The following ABHD17B variants were observed in gnomAD, a reference collection of about 807,000 sequenced individuals.
ABHD17B encodes abhydrolase domain containing 17B, depalmitoylase.
ABHD17B carries 9 observed loss-of-function variants against 26.2 expected under a neutral mutation model. The observed-to-expected ratio is 0.34, with a 90% CI of 0.21 to 0.60. ABHD17B has a LOEUF of 0.60. Among genes scored for constraint, ABHD17B ranks in the 20% least tolerant of loss-of-function variants. The pLI is 0.80. For missense variants in ABHD17B, 224 were observed against 352.1 expected, an observed-to-expected ratio of 0.64 and a Z score of 2.91; for synonymous variants, 127 against 122.3, an observed-to-expected ratio of 1.04 and a Z score of -0.25.
chr9:71,874,408 C>T (rs1014039161), intron 2 of ABHD17B, among the ~76,000 whole-genome samples: 1 of 152,030 alleles, frequency 6.6e-6, no homozygotes, highest in Admixed American at 6.6e-5. Flanking sequence ...GACAAACAAA[C>T]CTGAAACTGT....
At chr9:71,890,131 T>C (rs945263867) in intron 1 of ABHD17B, among the ~76,000 whole-genome samples, 2 of 151,590 alleles carry the variant, frequency 1.3e-5, no homozygotes, top group Non-Finnish European at 2.9e-5. Context: ...AATAAATAAA[T>C]AAATAAATAT....
At chr9:71,868,177 C>T (rs1826011349) in intron 3 of ABHD17B, among the ~76,000 whole-genome samples, 2 of 151,902 alleles carry the variant, frequency 1.3e-5, no homozygotes, top group South Asian at 2.1e-4. Context: ...CAAGATCACA[C>T]CATTGTACTC....
intron 1 of ABHD17B, among the ~76,000 whole-genome samples, chr9:71,908,472 G>C (rs915602543): frequency 6.6e-6 from 1 of 151,918 alleles, no homozygotes; most frequent in Non-Finnish European, 1.5e-5. Context: ...CAGGCAAATG[G>C]GGCAATGTAT....
At position 71,874,705 on chromosome 9, in the gene ABHD17B, C is replaced by A; in HGVS notation, c.376G>T (p.Asp126Tyr). ...GAACTGGCACCATATCCAGAATAAT[C>A]ATATGAGAATATATTACAATTAATC... ...SRINCNIFSY[D>Y]YSGYGASSGK... The change falls in exon 2 of 4, where the codon GAT becomes TAT. Residue 126 changes from aspartate (D) to tyrosine (Y), a missense_variant. Asp to Tyr is a radical substitution (Grantham distance 160, BLOSUM62 -3). Transcript: ENST00000333421. The A allele has an allele frequency of 1.2e-6, 2 of 1,614,088 alleles. No homozygotes were observed. The highest frequency in any genetic ancestry group is 1.1e-5 in the South Asian group (1 of 91,064).
chr9:71,876,129 T>G (rs997800300), intron 1 of ABHD17B, among the ~76,000 whole-genome samples: 2 of 152,226 alleles, frequency 1.3e-5, no homozygotes, highest in Non-Finnish European at 2.9e-5. Context: ...CTAAAAAGGC[T>G]ATAATATAAA....
At chr9:71,862,676 A>C (rs1010384496), downstream of ABHD17B, 7 of 722,656 alleles carry the variant, frequency 9.7e-6, no homozygotes, top group South Asian at 3.2e-5. Flanking sequence ...GTGGCTTTCC[A>C]TAACTGTTTA....
At chr9:71,868,929 T>C (rs939957764) in intron 3 of ABHD17B, among the ~76,000 whole-genome samples, 14 of 152,160 alleles carry the variant, frequency 9.2e-5, no homozygotes, top group Non-Finnish European at 5.9e-5. Flanking sequence ...CCTCAAGTGA[T>C]CCACCCGCCA....
At chr9:71,872,292 G>A (rs1826136582) in intron 2 of ABHD17B, among the ~76,000 whole-genome samples, 2 of 152,152 alleles carry the variant, frequency 1.3e-5, no homozygotes, top group African/African-American at 2.4e-5. Context: ...TGCTAAAATA[G>A]TATGTGGGAT....
At chr9:71,908,514 G>C (rs1342197439) in intron 1 of ABHD17B, among the ~76,000 whole-genome samples, 3 of 152,090 alleles carry the variant, frequency 2.0e-5, no homozygotes, top group Non-Finnish European at 4.4e-5. Flanking sequence ...GAAGGGTAGG[G>C]GGAATTTTCA....
chr9:71,864,213 CTT>C (rs762446648), downstream of ABHD17B, among the ~76,000 whole-genome samples: 107 of 80,398 alleles, frequency 1.3e-3, no homozygotes, highest in African/African-American at 5.1e-3. Context: ...GCCAAACTTT[CTT>C]TTTTTTTTTT....
intron 1 of ABHD17B, among the ~76,000 whole-genome samples, chr9:71,878,832 GA>G (rs892966060): frequency 2.6e-5 from 4 of 152,078 alleles, no homozygotes; most frequent in Non-Finnish European, 5.9e-5. Flanking sequence ...GTCTCTCTTT[GA>G]AAAACTCCAG....
intron 1 of ABHD17B, among the ~76,000 whole-genome samples, chr9:71,885,238 A>C (rs1402015807): frequency 1.3e-5 from 2 of 152,088 alleles, no homozygotes; most frequent in African/African-American, 4.8e-5. Context: ...TGAGGTCAGG[A>C]GTTCGAGACC....
chr9:71,905,676 G>C (rs1194271136), intron 1 of ABHD17B, among the ~76,000 whole-genome samples: 3 of 152,180 alleles, frequency 2.0e-5, no homozygotes, highest in Non-Finnish European at 4.4e-5. Flanking sequence ...TATAATGAAT[G>C]AGGGGCACTA....
At chr9:71,883,531 A>G (rs372449410) in intron 1 of ABHD17B, among the ~76,000 whole-genome samples, 4 of 152,366 alleles carry the variant, frequency 2.6e-5, no homozygotes, top group Middle Eastern at 3.4e-3. Context: ...GAATACAGAA[A>G]GCAAATTCCA....
intron 1 of ABHD17B, among the ~76,000 whole-genome samples, chr9:71,900,197 A>G (rs1827091619): frequency 6.6e-6 from 1 of 152,256 alleles, no homozygotes; most frequent in Admixed American, 6.5e-5. Flanking sequence ...GTTATATAGA[A>G]TAAGAAAACA....
intron 1 of ABHD17B, among the ~76,000 whole-genome samples, chr9:71,891,035 C>A (rs548322922): frequency 3.3e-5 from 5 of 152,048 alleles, no homozygotes; most frequent in Non-Finnish European, 7.4e-5. Flanking sequence ...AGCACTACCC[C>A]CCACCCCCTT....
chr9:71,872,224 A>G (rs1229654969), intron 2 of ABHD17B, among the ~76,000 whole-genome samples: 3 of 152,200 alleles, frequency 2.0e-5, no homozygotes, highest in Non-Finnish European at 4.4e-5. Flanking sequence ...ATGAAACTCC[A>G]ACTATATTTT....
intron 1 of ABHD17B, among the ~76,000 whole-genome samples, chr9:71,891,043 C>A (rs1826765704): frequency 6.6e-6 from 1 of 152,152 alleles, no homozygotes; most frequent in South Asian, 2.1e-4. Flanking sequence ...CCCCCACCCC[C>A]TTACCCAAAG....
intron 1 of ABHD17B, among the ~76,000 whole-genome samples, chr9:71,893,302 G>C (rs755552978): frequency 2.0e-4 from 30 of 152,234 alleles, no homozygotes; most frequent in Non-Finnish European, 4.0e-4. Context: ...CATCCCACAG[G>C]TTGAGGGCTC....
Sources: allele counts gnomAD v4.1 joint callset (sites outside exome capture counted in the v4.1 genomes callset), GRCh38; gene constraint gnomAD v4.1.1; transcripts MANE v1.5; gene names NCBI Gene and HGNC (gene_info 2026-07-23, HGNC 2026-07-21).